The following LSAMP variants were observed in gnomAD, a reference collection of about 807,000 sequenced individuals.
LSAMP encodes the protein limbic system associated membrane protein, also known as limbic system-associated membrane protein.
A neutral mutation model predicts 38.6 loss-of-function variants in LSAMP; 7 were observed. That is an observed-to-expected ratio of 0.18 (90% CI 0.10 to 0.34). The LOEUF is 0.34. LSAMP is among the 10% of genes least tolerant of loss of function. LSAMP has a pLI of 1.00. For missense variants in LSAMP, 313 were observed against 420.0 expected, an observed-to-expected ratio of 0.75 and a Z score of 2.23; for synonymous variants, 154 against 166.8, an observed-to-expected ratio of 0.92 and a Z score of 0.59.
intron 1 of LSAMP, among the ~76,000 whole-genome samples, chr3:116,245,597 G>A (rs767667356): frequency 1.7e-4 from 26 of 152,166 alleles, no homozygotes; most frequent in South Asian, 2.1e-4. Context: ...GAATTTTCAT[G>A]ACCCTGCATC....
intron 1 of LSAMP, among the ~76,000 whole-genome samples, chr3:116,098,940 C>G (rs1334022033): frequency 6.6e-6 from 1 of 152,216 alleles, no homozygotes; most frequent in African/African-American, 2.4e-5. Flanking sequence ...ACTCAGCCTA[C>G]TCAAACTGTA....
Position 116,321,110 on chromosome 3 carries a change from T to C in LSAMP, c.155+123767A>G, listed in dbSNP as rs923863948. Among the ~76,000 whole-genome samples the C allele has an allele frequency of 4.6e-5, 7 of 152,196 alleles. No individual in the cohort carries two copies. The South Asian group carries it at 1.5e-3, about 32-fold the overall frequency. On this transcript the variant is annotated intron_variant, in intron 1 of 6. Coordinates refer to ENST00000490035, the MANE Select transcript of LSAMP (RefSeq NM_002338.5). ...AATAGTTGCCAGGCATGGGAGCTCA[T>C]ACCTCTAATCCCAACAATTTAGGAG...
intron 1 of LSAMP, among the ~76,000 whole-genome samples, chr3:116,310,647 C>T (rs1418174667): frequency 6.6e-6 from 1 of 152,088 alleles, no homozygotes; most frequent in East Asian, 1.9e-4. Flanking sequence ...TCTATATTTA[C>T]TAAATGATGA....
At position 115,949,423 on chromosome 3, in the gene LSAMP, CA is replaced by C. The variant is rs1265668807; in HGVS notation, c.514+70091del. Reference sequence around the variant, plus strand: ...TTTTATTTATTTATTTAGATTTATACAAAAGGTCATTCAAGGCTACTATGAA... The same window carrying C: ...TTTTATTTATTTATTTAGATTTATACAAAGGTCATTCAAGGCTACTATGAA... On this transcript the variant is annotated intron_variant, in intron 3 of 6. Transcript: ENST00000490035. 2.7e-4 allele frequency among the ~76,000 whole-genome samples: 41 copies of C among 151,588 alleles called. 2 individuals are homozygous for C. In the East Asian group the frequency reaches 7.5e-3, roughly 28 times the overall value.
chr3:116,108,622 G>T (rs907979158), intron 1 of LSAMP, among the ~76,000 whole-genome samples: 2 of 152,208 alleles, frequency 1.3e-5, no homozygotes, highest in African/African-American at 4.8e-5. Context: ...GAGTCAGAGA[G>T]CCTTGGGCCA....
intron 1 of LSAMP, among the ~76,000 whole-genome samples, chr3:116,326,061 T>C (rs1336924410): frequency 5.3e-5 from 8 of 152,140 alleles, no homozygotes. Context: ...ACTCAGTTGT[T>C]TCTCAGTATA....
chr3:116,150,640 G>C (rs549687723), intron 1 of LSAMP, among the ~76,000 whole-genome samples: 1 of 151,938 alleles, frequency 6.6e-6, no homozygotes, highest in Non-Finnish European at 1.5e-5. Flanking sequence ...GAAGAGTTTG[G>C]TAAGTGATGC....
chr3:116,153,661 G>A (rs1331627205), intron 1 of LSAMP, among the ~76,000 whole-genome samples: 10 of 151,888 alleles, frequency 6.6e-5, no homozygotes, highest in African/African-American at 1.9e-4. Context: ...CTAGGGGCAC[G>A]AAACACTTTA....
intron 3 of LSAMP, among the ~76,000 whole-genome samples, chr3:115,945,821 AGATG>A (rs1426324600): frequency 6.6e-6 from 1 of 152,200 alleles, no homozygotes; most frequent in Non-Finnish European, 1.5e-5. Context: ...AATTATTCAC[AGATG>A]GATCATCAAG....
intron 1 of LSAMP, among the ~76,000 whole-genome samples, chr3:116,189,505 C>A (rs780477660): frequency 6.6e-6 from 1 of 152,108 alleles, no homozygotes; most frequent in African/African-American, 2.4e-5. Context: ...ATTTCTCAGA[C>A]CTCGAAAAGC....
At chr3:116,076,108 G>A (rs376763716) in intron 2 of LSAMP, among the ~76,000 whole-genome samples, 158 of 152,142 alleles carry the variant, frequency 1.0e-3, no homozygotes, top group African/African-American at 3.5e-3. Flanking sequence ...CACTTTCTCC[G>A]TTATGTTAAA....
At chr3:115,980,160 A>G (rs1939315280) in intron 3 of LSAMP, among the ~76,000 whole-genome samples, 1 of 152,132 alleles carries the variant, frequency 6.6e-6, no homozygotes, top group African/African-American at 2.4e-5. Flanking sequence ...AACATTCATG[A>G]AGTAAAATAT....
rs571303148 is a variant in LSAMP at position 116,040,003 on chromosome 3, A to G, written c.389-20363T>C. The stretch of plus-strand genomic sequence containing the variant: ...TTACTCTGCCTCTCTTTGGGGGGGG[A>G]AAAAAACTGGTCCCCTTTTCTACTT... On this transcript the variant is annotated intron_variant, in intron 2 of 6. Transcript: ENST00000490035. Among the ~76,000 whole-genome samples, 1,409 of 149,516 alleles carry G rather than the reference A, an allele frequency of 9.4e-3. 12 individuals are homozygous for G. The highest frequency in any genetic ancestry group is 0.02 in the South Asian group (95 of 4,792).
At position 115,842,520 on chromosome 3, in the gene LSAMP, T is replaced by C. The variant is rs1935030394; in HGVS notation, c.708A>G (p.Ser236=). The change falls in exon 5 of 7, where the codon TCA becomes TCG. Residue 236 remains serine, a synonymous_variant. Coordinates refer to ENST00000490035, the MANE Select transcript of LSAMP (RefSeq NM_002338.5). The part of the protein sequence containing the change: ...SNEATTGRQA[S]LKCEASAVPA... ...GCACTGCCGAGGCCTCACATTTGAG[T>C]GAAGCTTGTCGTCCTGTGGTGGCTT... is the stretch of plus-strand genomic sequence containing the variant. 6.2e-7 allele frequency: 1 copy of C among 1,613,934 alleles called. No individual in the cohort carries two copies. The highest frequency in any genetic ancestry group is 1.7e-5 in the Admixed American group (1 of 60,016).
At chr3:116,053,990 C>T (rs1941442874) in intron 2 of LSAMP, among the ~76,000 whole-genome samples, 1 of 152,148 alleles carries the variant, frequency 6.6e-6, no homozygotes, top group South Asian at 2.1e-4. Flanking sequence ...TTTAAGGCAG[C>T]TCAAACATAT....
chr3:116,144,281 G>A (rs912661211), intron 1 of LSAMP, among the ~76,000 whole-genome samples: 2 of 151,930 alleles, frequency 1.3e-5, no homozygotes, highest in African/African-American at 4.8e-5. Flanking sequence ...TCATGTCTGG[G>A]ATTCTAGAAC....
chr3:116,366,693 G>C (rs1299801570), intron 1 of LSAMP, among the ~76,000 whole-genome samples: 1 of 152,138 alleles, frequency 6.6e-6, no homozygotes. Flanking sequence ...TTTGTACTAG[G>C]AGCTGGGAAT....
At chr3:116,025,433 A>G (rs1240656719) in intron 2 of LSAMP, among the ~76,000 whole-genome samples, 1 of 151,964 alleles carries the variant, frequency 6.6e-6, no homozygotes, top group Non-Finnish European at 1.5e-5. Flanking sequence ...TGTTTTGCTG[A>G]AGTTTAAAGC....
At chr3:116,293,618 A>G (rs1483457248) in intron 1 of LSAMP, among the ~76,000 whole-genome samples, 2 of 152,202 alleles carry the variant, frequency 1.3e-5, no homozygotes, top group Non-Finnish European at 1.5e-5. Context: ...ATGAGGGCAT[A>G]GTTTGAATAA....
Sources: gnomAD v4.1 joint callset for allele counts (sites outside exome capture counted in the v4.1 genomes callset) on GRCh38, gnomAD v4.1.1 for gene constraint, MANE v1.5 for transcripts, NCBI Gene and HGNC (gene_info 2026-07-23, HGNC 2026-07-21) for gene names.